CPEB3: variants seen among roughly 807,000 people sequenced by gnomAD.
CPEB3 encodes the protein cytoplasmic polyadenylation element binding protein 3, also known as cytoplasmic polyadenylation element-binding protein 3.
Under a neutral mutation model 67.2 loss-of-function variants are expected in CPEB3, and 20 were observed. The observed-to-expected ratio is 0.30, with a 90% CI of 0.21 to 0.43. CPEB3 has a LOEUF of 0.43. CPEB3 is among the 20% of genes least tolerant of loss of function. The pLI, the probability that CPEB3 is intolerant of heterozygous loss-of-function variation, is 1.00. For missense variants in CPEB3, 746 were observed against 968.6 expected, an observed-to-expected ratio of 0.77 and a Z score of 3.05; for synonymous variants, 376 against 393.1, an observed-to-expected ratio of 0.96 and a Z score of 0.51.
At chr10:92,095,288 T>A (rs1843805660) in intron 7 of CPEB3, among the ~76,000 whole-genome samples, 1 of 152,140 alleles carries the variant, frequency 6.6e-6, no homozygotes, top group South Asian at 2.1e-4. Flanking sequence ...TCACGAAACC[T>A]ACATTTCCCA....
chr10:92,188,269 C>T (rs1394454479), intron 3 of CPEB3, among the ~76,000 whole-genome samples: 1 of 133,420 alleles, frequency 7.5e-6, no homozygotes, highest in East Asian at 2.5e-4. Flanking sequence ...CCTCCTTTCT[C>T]ATCTCTGAGG....
chr10:92,243,601 C>T (rs2134715867), intron 1 of CPEB3, among the ~76,000 whole-genome samples: 1 of 152,176 alleles, frequency 6.6e-6, no homozygotes, highest in Admixed American at 6.5e-5. Flanking sequence ...GACTGGGTAG[C>T]TAGCAATAGG....
chr10:92,124,159 A>G (rs920114165), intron 6 of CPEB3, among the ~76,000 whole-genome samples: 5 of 152,108 alleles, frequency 3.3e-5, no homozygotes, highest in Non-Finnish European at 4.4e-5. Flanking sequence ...ATTTCCCCCC[A>G]TCCCATCACC....
intron 4 of CPEB3, among the ~76,000 whole-genome samples, chr10:92,167,142 T>A (rs1306401724): frequency 6.6e-6 from 1 of 152,246 alleles, no homozygotes; most frequent in Non-Finnish European, 1.5e-5. Flanking sequence ...GGCTTTGGCA[T>A]AAGGGAATGT....
At chr10:92,188,518 G>C (rs1200865856) in intron 3 of CPEB3, among the ~76,000 whole-genome samples, 1 of 151,544 alleles carries the variant, frequency 6.6e-6, no homozygotes, top group East Asian at 2.0e-4. Context: ...TCAGGAGTTC[G>C]AGACCAGCCT....
chr10:92,249,193 A>G (rs1019336384), intron 1 of CPEB3, among the ~76,000 whole-genome samples: 1 of 152,242 alleles, frequency 6.6e-6, no homozygotes, highest in Middle Eastern at 3.4e-3. Context: ...CCTGGCCAAC[A>G]TGGTGAAACC....
chr10:92,233,238 G>C (rs1851358650), intron 2 of CPEB3, among the ~76,000 whole-genome samples: 1 of 151,992 alleles, frequency 6.6e-6, no homozygotes, highest in Non-Finnish European at 1.5e-5. Flanking sequence ...TTAAAAAAAA[G>C]AAAGTGGGGG....
chr10:92,131,214 T>C (rs1304533051), intron 6 of CPEB3, among the ~76,000 whole-genome samples: 2 of 152,184 alleles, frequency 1.3e-5, no homozygotes, highest in African/African-American at 4.8e-5. Context: ...CTTCTTGGCA[T>C]AGCTCTCACT....
intron 2 of CPEB3, among the ~76,000 whole-genome samples, chr10:92,203,216 C>G (rs1245263822): frequency 6.6e-6 from 1 of 151,484 alleles, no homozygotes; most frequent in Non-Finnish European, 1.5e-5. Context: ...GCTGACATTA[C>G]AGGCGTGAGC....
intron 1 of CPEB3, among the ~76,000 whole-genome samples, chr10:92,244,268 A>G (rs971287288): frequency 6.6e-5 from 10 of 150,854 alleles, no homozygotes; most frequent in African/African-American, 2.2e-4. Flanking sequence ...AATCGCTTGA[A>G]CCTGGGAGGT....
At chr10:92,073,133 G>A (rs1842813477) in intron 9 of CPEB3, among the ~76,000 whole-genome samples, 8 of 147,086 alleles carry the variant, frequency 5.4e-5, no homozygotes, top group Admixed American at 4.9e-4. Context: ...AAACTCCTGG[G>A]CTCAAGGAAT....
At chr10:92,056,215 A>G (rs936764256) in intron 9 of CPEB3, among the ~76,000 whole-genome samples, 15 of 152,136 alleles carry the variant, frequency 9.9e-5, no homozygotes, top group Admixed American at 9.8e-4. Flanking sequence ...AAAACAAGAC[A>G]CACACCACGA....
intron 1 of CPEB3, among the ~76,000 whole-genome samples, chr10:92,243,453 C>T (rs145869509): frequency 7.2e-5 from 11 of 152,076 alleles, no homozygotes; most frequent in East Asian, 3.9e-4. Flanking sequence ...ATCTAAATCA[C>T]GAGTTGTTGA....
chr10:92,069,191 C>G (rs937533011), intron 9 of CPEB3, among the ~76,000 whole-genome samples: 36 of 152,122 alleles, frequency 2.4e-4, no homozygotes, highest in African/African-American at 8.4e-4. Context: ...AAATATGGGT[C>G]ATATTAGTCT....
At chr10:92,115,800 ATC>A (rs1844993272) in intron 6 of CPEB3, among the ~76,000 whole-genome samples, 1 of 152,200 alleles carries the variant, frequency 6.6e-6, no homozygotes, top group African/African-American at 2.4e-5. Flanking sequence ...TTAAAATAAT[ATC>A]TCTCACTTTA....
chr10:92,117,054 TCG>T (rs1845065560), intron 6 of CPEB3, among the ~76,000 whole-genome samples: 1 of 152,224 alleles, frequency 6.6e-6, no homozygotes, highest in Non-Finnish European at 1.5e-5. Flanking sequence ...AGACAGAGTC[TCG>T]CTCTGTCGCC....
intron 4 of CPEB3, among the ~76,000 whole-genome samples, chr10:92,169,069 C>A (rs1847884640): frequency 6.6e-6 from 1 of 151,016 alleles, no homozygotes; most frequent in Admixed American, 6.6e-5. Context: ...GTACTGAGAT[C>A]ACAGGCGTGA....
At chr10:92,137,335 A>G in intron 6 of CPEB3, 2 of 848,372 alleles carry the variant, frequency 2.4e-6, no homozygotes, top group Non-Finnish European at 3.7e-6. Flanking sequence ...CCCTGGCCAT[A>G]TATCTGATAT....
At chr10:92,116,823 C>T (rs1321570633) in intron 6 of CPEB3, among the ~76,000 whole-genome samples, 1 of 151,948 alleles carries the variant, frequency 6.6e-6, no homozygotes, top group African/African-American at 2.4e-5. Context: ...AATGGATGGC[C>T]GAAAATTCCT....
Sources: gnomAD v4.1 joint callset for allele counts (sites outside exome capture counted in the v4.1 genomes callset) on GRCh38, gnomAD v4.1.1 for gene constraint, MANE v1.5 for transcripts, NCBI Gene and HGNC (gene_info 2026-07-23, HGNC 2026-07-21) for gene names.